Variants in STMN2 observed in about 807,000 individuals in gnomAD.
STMN2 encodes stathmin-2.
STMN2 carries 2 observed loss-of-function variants against 24.1 expected under a neutral mutation model. That is an observed-to-expected ratio of 0.08 (90% confidence interval 0.03 to 0.26). STMN2 has a LOEUF of 0.26. STMN2 is among the 10% of genes least tolerant of loss of function. The pLI is 1.00. For synonymous variants in STMN2, 83 were observed against 77.5 expected (o/e 1.07, Z -0.37); for missense variants, 114 against 213.6 (o/e 0.53, Z 2.91).
chr8:79,637,365 G>T (rs1416667636), intron 2 of STMN2, among the ~76,000 whole-genome samples: 1 of 151,888 alleles, frequency 6.6e-6, no homozygotes, highest in African/African-American at 2.4e-5. Flanking sequence ...ATAATAATTG[G>T]CTCAATAAAT....
chr8:79,611,990 C>T (rs998155244), intron 1 of STMN2, among the ~76,000 whole-genome samples: 2 of 152,000 alleles, frequency 1.3e-5, no homozygotes, highest in Admixed American at 6.5e-5. Context: ...GTGTGCGGAC[C>T]AGCGGTCCCG....
intron 3 of STMN2, among the ~76,000 whole-genome samples, chr8:79,649,309 A>T (rs1810284012): frequency 6.6e-6 from 1 of 152,088 alleles, no homozygotes; most frequent in Non-Finnish European, 1.5e-5. Flanking sequence ...TCGGTGAAGA[A>T]GAGCACCCCC....
intron 1 of STMN2, chr8:79,611,642 A>G (rs1809223331): frequency 9.4e-6 from 3 of 318,476 alleles, no homozygotes; most frequent in Non-Finnish European, 1.4e-5. Context: ...AGGTGGGAGA[A>G]AGGAAAAAGA....
intron 4 of STMN2, among the ~76,000 whole-genome samples, chr8:79,658,762 T>C (rs1585912419): frequency 6.6e-6 from 1 of 152,222 alleles, no homozygotes; most frequent in South Asian, 2.1e-4. Context: ...ATGCCCATAA[T>C]GGTATCTTCA....
intron 1 of STMN2, among the ~76,000 whole-genome samples, chr8:79,624,712 T>C (rs561095640): frequency 1.1e-4 from 16 of 152,332 alleles, no homozygotes; most frequent in Admixed American, 2.6e-4. Flanking sequence ...GATAGCCAGC[T>C]AAGAAGTCAA....
At chr8:79,661,735 T>C (rs1291361788) in intron 4 of STMN2, among the ~76,000 whole-genome samples, 1 of 152,202 alleles carries the variant, frequency 6.6e-6, no homozygotes, top group East Asian at 1.9e-4. Context: ...TTGGCCAAGA[T>C]CACAAGTAGA....
intron 3 of STMN2, among the ~76,000 whole-genome samples, chr8:79,652,678 A>G: frequency 6.6e-6 from 1 of 152,018 alleles, no homozygotes; most frequent in East Asian, 1.9e-4. Context: ...TTCAGTACTA[A>G]CTTACTTGAT....
chr8:79,613,337 C>T lies in STMN2; in HGVS notation c.19+2123C>T, dbSNP rs1585868320. The T allele has an allele frequency of 4.1e-6, 4 of 971,108 alleles. No homozygotes were observed. The South Asian group carries it at 1.4e-4, about 35-fold the overall frequency. The allele number at this position is 971,108 out of a possible 1,614,324, so 60.2% of individuals were successfully genotyped here. ...GCACGTGGCGACTGGGTGTGTGGAG[C>T]GCAGCCAGCCCTGCAGAGCCCCGCG... is the stretch of plus-strand genomic sequence containing the variant. On this transcript the variant is annotated intron_variant, in intron 1 of 4. Coordinates refer to ENST00000220876, the MANE Select transcript of STMN2 (RefSeq NM_007029.4).
intron 1 of STMN2, among the ~76,000 whole-genome samples, chr8:79,612,462 CTTAAG>C (rs146771425): frequency 0.043 from 6,608 of 152,204 alleles, 198 homozygotes; most frequent in East Asian, 0.13. Context: ...AGGTCAAAGT[CTTAAG>C]TTAAGCCACG....
At chr8:79,628,142 A>G (rs1809704446) in intron 1 of STMN2, among the ~76,000 whole-genome samples, 2 of 151,782 alleles carry the variant, frequency 1.3e-5, no homozygotes, top group East Asian at 1.9e-4. Flanking sequence ...TGGATCATCT[A>G]GTAGTTTTAT....
At chr8:79,617,871 A>G (rs1307510220) in intron 1 of STMN2, among the ~76,000 whole-genome samples, 1 of 152,242 alleles carries the variant, frequency 6.6e-6, no homozygotes, top group South Asian at 2.1e-4. Context: ...CATGCAAGGC[A>G]TTGTTCTAAG....
At position 79,635,989 on chromosome 8, in the gene STMN2, G is replaced by A. The variant is rs187775486; in HGVS notation, c.20-813G>A. ...CCCAGCACTTTGGGTGGCCAAGGTG[G>A]GTGGATTGCTTGAGCCCGGGAATTC... On this transcript the variant is annotated intron_variant, in intron 1 of 4. Transcript: ENST00000220876. 3.3e-4 allele frequency among the ~76,000 whole-genome samples: 50 copies of A among 152,282 alleles called. 1 individual carries two copies. Among genetic ancestry groups the A allele is most frequent in the Non-Finnish European group, 2.8e-4 (19 of 68,016 alleles).
At chr8:79,611,385 G>C (rs1358977347) in intron 1 of STMN2, among the ~76,000 whole-genome samples, 171 bp downstream of exon 1, 1 of 152,154 alleles carries the variant, frequency 6.6e-6, no homozygotes, top group Non-Finnish European at 1.5e-5. Flanking sequence ...GCAGAGAAGA[G>C]GTCTATGGAA....
chr8:79,646,337 A>G (rs1810217266), intron 3 of STMN2, among the ~76,000 whole-genome samples: 2 of 152,054 alleles, frequency 1.3e-5, no homozygotes, highest in Non-Finnish European at 2.9e-5. Flanking sequence ...AAATACATAC[A>G]CAGCATATTA....
At position 79,611,741 on chromosome 8, in the gene STMN2, C is replaced by G. The variant is rs1809230195; in HGVS notation, c.19+527C>G. 3.1e-6 allele frequency: 3 copies of G among 982,840 alleles called. No homozygotes were observed. The South Asian group carries it at 1.4e-4, about 46-fold the overall frequency. The allele number at this position is 982,840 out of a possible 1,614,324, so 60.9% of individuals were successfully genotyped here. A position where few individuals can be genotyped will look rare whatever the true frequency, so the allele number is the denominator to read the frequency against. ...GATGGAGAGAACTGGGCACATTTTA[C>G]GGTATTGTCTCGTCGAAGAAACCGC... On this transcript the variant is annotated intron_variant, in intron 1 of 4. Transcript: ENST00000220876.
At chr8:79,634,287 G>A (rs554695979) in intron 1 of STMN2, among the ~76,000 whole-genome samples, 2 of 151,722 alleles carry the variant, frequency 1.3e-5, no homozygotes, top group South Asian at 4.2e-4. Context: ...GATCTGCCTG[G>A]GCCTTTATAA....
intron 3 of STMN2, among the ~76,000 whole-genome samples, chr8:79,651,358 A>G (rs1028947222): frequency 6.6e-6 from 1 of 152,154 alleles, no homozygotes; most frequent in African/African-American, 2.4e-5. Flanking sequence ...AAAAGTACTA[A>G]CCCCATTAAA....
chr8:79,630,234 A>G (rs1809766777), intron 1 of STMN2, among the ~76,000 whole-genome samples: 1 of 152,208 alleles, frequency 6.6e-6, no homozygotes, highest in Non-Finnish European at 1.5e-5. Flanking sequence ...AGAAAAGTCA[A>G]CTGGCCCATG....
intron 4 of STMN2, among the ~76,000 whole-genome samples, chr8:79,655,566 A>T (rs180805983): frequency 3.9e-5 from 6 of 152,290 alleles, no homozygotes; most frequent in African/African-American, 1.4e-4. Flanking sequence ...GTATAATAGC[A>T]TCACATGGGA....
Sources: allele counts gnomAD v4.1 joint callset (sites outside exome capture counted in the v4.1 genomes callset), GRCh38; gene constraint gnomAD v4.1.1; transcripts MANE v1.5; gene names NCBI Gene and HGNC (gene_info 2026-07-23, HGNC 2026-07-21).